The following CACNB2 variants were observed in gnomAD, a reference collection of about 807,000 sequenced individuals.
CACNB2 encodes the protein calcium voltage-gated channel auxiliary subunit beta 2.
Under a neutral mutation model 73.3 loss-of-function variants are expected in CACNB2, and 42 were observed. That is an observed-to-expected ratio of 0.57 (90% CI 0.45 to 0.74). CACNB2 has a LOEUF of 0.74. Ranked by LOEUF, CACNB2 falls within the 30% of genes least tolerant of loss-of-function variation. CACNB2 has a pLI of 0.00. For missense variants in CACNB2, 940 were observed against 853.0 expected (o/e 1.10, Z -1.27); for synonymous variants, 348 against 310.3 (o/e 1.12, Z -1.28).
chr10:18,299,359 G>C (rs2039414186), intron 2 of CACNB2, among the ~76,000 whole-genome samples: 1 of 152,116 alleles, frequency 6.6e-6, no homozygotes, highest in African/African-American at 2.4e-5. Context: ...CTGGGAAAGT[G>C]TGAGTTTTCC....
At chr10:18,295,547 G>A (rs2039243875) in intron 2 of CACNB2, among the ~76,000 whole-genome samples, 2 of 152,090 alleles carry the variant, frequency 1.3e-5, no homozygotes, top group African/African-American at 4.8e-5. Flanking sequence ...ATATAACAAT[G>A]ATTACTTGTA....
intron 2 of CACNB2, chr10:18,261,152 C>T: frequency 6.5e-7 from 1 of 1,528,866 alleles, no homozygotes; most frequent in African/African-American, 1.4e-5. Flanking sequence ...AAGTGATTTG[C>T]TCATGCCTCT....
At chr10:18,481,068 C>T (rs1465561824) in intron 3 of CACNB2, among the ~76,000 whole-genome samples, 1 of 150,842 alleles carries the variant, frequency 6.6e-6, no homozygotes, top group Admixed American at 6.6e-5. Flanking sequence ...TCCTTGTTGG[C>T]CACAGGTGGT....
intron 3 of CACNB2, among the ~76,000 whole-genome samples, chr10:18,450,617 CT>C (rs1249156903): frequency 0.017 from 2,491 of 144,694 alleles, 79 homozygotes; most frequent in African/African-American, 0.063. Context: ...GCTCCAGCTG[CT>C]TTTTTTTCTT....
At chr10:18,315,581 T>C (rs925682222) in intron 2 of CACNB2, among the ~76,000 whole-genome samples, 5 of 147,396 alleles carry the variant, frequency 3.4e-5, no homozygotes, top group Non-Finnish European at 7.5e-5. Flanking sequence ...GTGGTCCCAG[T>C]TGCTCTGGAG....
chr10:18,319,877 C>T (rs777900511), intron 2 of CACNB2, among the ~76,000 whole-genome samples: 3 of 151,974 alleles, frequency 2.0e-5, no homozygotes, highest in Non-Finnish European at 4.4e-5. Flanking sequence ...GTGCAAAGGC[C>T]CTGAGGAAGA....
intron 6 of CACNB2, among the ~76,000 whole-genome samples, chr10:18,509,529 A>G (rs1317102838): frequency 6.6e-6 from 1 of 152,132 alleles, no homozygotes; most frequent in Non-Finnish European, 1.5e-5. Flanking sequence ...TCTCGGTGCC[A>G]TGGTCACGCC....
chr10:18,414,715 G>A (rs1158486754), intron 3 of CACNB2, among the ~76,000 whole-genome samples: 3 of 151,546 alleles, frequency 2.0e-5, no homozygotes, highest in Non-Finnish European at 4.4e-5. Flanking sequence ...ATAGACTTCT[G>A]GCTATTTTAA....
chr10:18,459,487 C>T (rs1488234622), intron 3 of CACNB2, among the ~76,000 whole-genome samples: 1 of 152,218 alleles, frequency 6.6e-6, no homozygotes, highest in African/African-American at 2.4e-5. Context: ...CCAGGCTTTA[C>T]ACAGCCATAC....
intron 2 of CACNB2, among the ~76,000 whole-genome samples, chr10:18,232,839 G>T (rs1400055464): frequency 6.6e-6 from 1 of 152,172 alleles, no homozygotes; most frequent in Non-Finnish European, 1.5e-5. Flanking sequence ...TGTAATCCCG[G>T]CATTCTGGGA....
chr10:18,440,441 G>A (rs372724564), intron 3 of CACNB2, among the ~76,000 whole-genome samples: 44 of 152,130 alleles, frequency 2.9e-4, no homozygotes, highest in Non-Finnish European at 5.7e-4. Context: ...TGTCTGAGGC[G>A]GGAGGATTGC....
intron 2 of CACNB2, among the ~76,000 whole-genome samples, chr10:18,368,896 TA>T (rs915135223): frequency 2.6e-5 from 4 of 151,066 alleles, no homozygotes; most frequent in African/African-American, 4.9e-5. Context: ...TCACTCTATT[TA>T]AAAAAAAAGA....
chr10:18,141,227 T>TGGGGGGGGGG, intron 1 of CACNB2: 1 of 286,018 alleles, frequency 3.5e-6, no homozygotes, highest in Non-Finnish European at 7.0e-6. Context: ...TGAGTCCGGG[T>TGGGGGGGGGG]GGGCGGGAGG....
At position 18,416,507 on chromosome 10, in the gene CACNB2, C is replaced by T. The variant is rs565035675; in HGVS notation, c.333+14464C>T. Among the ~76,000 whole-genome samples, 7 of 152,330 alleles carry T rather than the reference C, an allele frequency of 4.6e-5. No individual in the cohort carries two copies. The South Asian group carries it at 6.2e-4, about 14-fold the overall frequency. On this transcript the variant is annotated intron_variant, in intron 3 of 13. Coordinates refer to ENST00000324631, the MANE Select transcript of CACNB2 (RefSeq NM_201596.3). ...TCTCAGCTCACTGCAACCTCCACCT[C>T]CTGGGTTCAAAGGATTCTCCTGCCT... is the stretch of plus-strand genomic sequence containing the variant.
chr10:18,177,561 A>T (rs986868371), intron 2 of CACNB2, among the ~76,000 whole-genome samples: 3 of 151,506 alleles, frequency 2.0e-5, no homozygotes, highest in African/African-American at 7.3e-5. Context: ...CCTGGAAGAC[A>T]CAGCAAGACT....
intron 4 of CACNB2, 66 bp downstream of exon 4, chr10:18,498,543 C>T (rs2133012506): frequency 3.9e-6 from 6 of 1,535,854 alleles, no homozygotes; most frequent in Middle Eastern, 1.7e-4. Context: ...TTCTTATTTC[C>T]TATTCATATG....
chr10:18,411,274 G>C (rs962418555), intron 3 of CACNB2, among the ~76,000 whole-genome samples: 8 of 152,238 alleles, frequency 5.3e-5, no homozygotes, highest in African/African-American at 1.9e-4. Flanking sequence ...AATAAAAAGA[G>C]TGCAGAAGCC....
At chr10:18,507,684 T>C (rs541374862) in intron 6 of CACNB2, among the ~76,000 whole-genome samples, 3 of 152,274 alleles carry the variant, frequency 2.0e-5, no homozygotes, top group South Asian at 2.1e-4. Context: ...AGAATTGTTA[T>C]TGGGAATCAG....
intron 1 of CACNB2, among the ~76,000 whole-genome samples, chr10:18,143,847 G>C (rs759314684): frequency 2.0e-5 from 3 of 152,074 alleles, no homozygotes; most frequent in Admixed American, 2.0e-4. Context: ...AGCAATGATT[G>C]GTTTTAGGAA....
Sources: allele counts gnomAD v4.1 joint callset (sites outside exome capture counted in the v4.1 genomes callset), GRCh38; gene constraint gnomAD v4.1.1; transcripts MANE v1.5; gene names NCBI Gene and HGNC (gene_info 2026-07-23, HGNC 2026-07-21).